Variants in KMT5B observed in about 807,000 individuals in gnomAD.
KMT5B encodes the protein lysine methyltransferase 5B.
In KMT5B, 10 loss-of-function variants were observed where a neutral mutation model predicts 83.2. The observed-to-expected ratio is 0.12, with a 90% CI of 0.07 to 0.20. The LOEUF (loss-of-function observed/expected upper bound fraction) is 0.20. Among genes scored for constraint, KMT5B ranks in the 10% least tolerant of loss-of-function variants. KMT5B has a pLI of 1.00. For synonymous variants in KMT5B, 349 were observed against 388.8 expected, an observed-to-expected ratio of 0.90 and a Z score of 1.20; for missense variants, 753 against 1,067.2, an observed-to-expected ratio of 0.71 and a Z score of 4.10.
intron 1 of KMT5B, among the ~76,000 whole-genome samples, chr11:68,209,797 G>A (rs566025992): frequency 6.6e-6 from 1 of 152,118 alleles, no homozygotes; most frequent in South Asian, 2.1e-4. Flanking sequence ...CAGTGCTTGA[G>A]CCACGTGTAC....
chr11:68,160,660 G>C (rs943551222), intron 10 of KMT5B, among the ~76,000 whole-genome samples: 1 of 152,180 alleles, frequency 6.6e-6, no homozygotes, highest in Non-Finnish European at 1.5e-5. Flanking sequence ...AGTTTTTATT[G>C]AGAGAGGAGC....
chr11:68,169,418 G>C (rs76528645), intron 9 of KMT5B, among the ~76,000 whole-genome samples: 169 of 152,298 alleles, frequency 1.1e-3, no homozygotes, highest in African/African-American at 4.0e-3. Context: ...CCAGGGTACT[G>C]TTCTGTATTC....
In KMT5B at chr11:68,210,250, G is replaced by T. The variant is rs181508660; in HGVS notation, c.-77+2888C>A. ...TACAGGCCCCCAATCAAGCTTTGGG[G>T]GGGGGGACACTGATACCCTAGTCTC... On this transcript the variant is annotated intron_variant, in intron 1 of 10. Coordinates refer to ENST00000304363, the MANE Select transcript of KMT5B (RefSeq NM_017635.5). Among the ~76,000 whole-genome samples, 939 of 152,142 alleles carry T rather than the reference G, an allele frequency of 6.2e-3. 6 individuals carry two copies. Among genetic ancestry groups the T allele is most frequent in the African/African-American group, 0.022 (909 of 41,500 alleles).
chr11:68,183,547 C>CG (rs1212068665), intron 3 of KMT5B, among the ~76,000 whole-genome samples: 2 of 151,370 alleles, frequency 1.3e-5, no homozygotes, highest in African/African-American at 4.9e-5. Flanking sequence ...TTAGTAGAGA[C>CG]GGGGTTTCAG....
chr11:68,162,368 T>C (rs1201123660), intron 10 of KMT5B, among the ~76,000 whole-genome samples: 1 of 152,176 alleles, frequency 6.6e-6, no homozygotes, highest in Non-Finnish European at 1.5e-5. Context: ...AGAAAAGCTT[T>C]GACTCAAACT....
intron 1 of KMT5B, among the ~76,000 whole-genome samples, chr11:68,198,452 C>T (rs1436766731): frequency 8.5e-5 from 6 of 70,966 alleles, no homozygotes; most frequent in African/African-American, 7.9e-4. Context: ...CAAGACAAGA[C>T]AAGACAAGAC....
intron 1 of KMT5B, among the ~76,000 whole-genome samples, chr11:68,198,843 C>T (rs555609582): frequency 6.6e-6 from 1 of 152,274 alleles, no homozygotes; most frequent in South Asian, 2.1e-4. Flanking sequence ...CATTCTCCTG[C>T]CTCAACCTCC....
Position 68,171,804 on chromosome 11 carries a change from T to C in KMT5B, c.654-95A>G. On this transcript the variant is annotated intron_variant, in intron 6 of 10. Transcript: ENST00000304363. The surrounding 1 kb of genome is among the most constrained non-coding windows in gnomAD (Gnocchi z 5.1). Reference sequence around the variant, plus strand: ...AATCCTGACAATAAATATCAGAAACTGAAAAGGCCTAGCTGTCTATACTTT... The same window carrying C: ...AATCCTGACAATAAATATCAGAAACCGAAAAGGCCTAGCTGTCTATACTTT... 2 of 1,039,934 alleles carry C rather than the reference T, an allele frequency of 1.9e-6. No homozygotes were observed. Among genetic ancestry groups the C allele is most frequent in the Non-Finnish European group, 1.4e-6 (1 of 717,698 alleles). 64.4% of individuals were successfully genotyped at this position (1,039,934 alleles called of 1,614,324 possible). A position where few individuals can be genotyped will look rare whatever the true frequency, so the allele number is the denominator to read the frequency against.
At chr11:68,169,031 A>G (rs1164515516) in intron 9 of KMT5B, among the ~76,000 whole-genome samples, 2 of 152,274 alleles carry the variant, frequency 1.3e-5, no homozygotes, top group Non-Finnish European at 2.9e-5. Context: ...GAGAACTTCA[A>G]GAATATATGC....
At chr11:68,196,425 G>C (rs1221147968) in intron 1 of KMT5B, among the ~76,000 whole-genome samples, 2 of 148,660 alleles carry the variant, frequency 1.3e-5, no homozygotes, top group African/African-American at 2.5e-5. Flanking sequence ...AGTTCCTAAG[G>C]TTGAGAATCT....
At chr11:68,174,211 C>A in intron 5 of KMT5B, 2 of 463,800 alleles carry the variant, frequency 4.3e-6, no homozygotes, top group Admixed American at 3.1e-5. Flanking sequence ...GATTCTGCCT[C>A]TAAAAAAACA....
intron 2 of KMT5B, 31 bp from the exon 3 acceptor site, chr11:68,185,959 C>G: frequency 7.1e-6 from 11 of 1,554,644 alleles, no homozygotes; most frequent in Non-Finnish European, 9.6e-6. Context: ...AAAAATTACT[C>G]AAATTGAAAA....
intron 3 of KMT5B, among the ~76,000 whole-genome samples, chr11:68,185,371 ATTTT>A (rs1857348334): frequency 6.6e-6 from 1 of 151,526 alleles, no homozygotes; most frequent in South Asian, 2.1e-4. Flanking sequence ...TGCCTGGCTA[ATTTT>A]TTTTGTACTT....
chr11:68,201,939 A>T (rs1165270026), intron 1 of KMT5B, among the ~76,000 whole-genome samples: 1 of 150,286 alleles, frequency 6.7e-6, no homozygotes, highest in African/African-American at 2.4e-5. Context: ...AAAAAAAAAA[A>T]TTAGTCGGGT....
In KMT5B at chr11:68,180,121, A is replaced by C. The variant is rs1346974170; in HGVS notation, c.377+11T>G. On this transcript the variant is annotated intron_variant, in intron 4 of 10. Coordinates refer to ENST00000304363, the MANE Select transcript of KMT5B (RefSeq NM_017635.5). The stretch of plus-strand genomic sequence containing the variant: ...GTCAGTATCTCATTGTTTTTAACAC[A>C]CACTACCTACCTCACAGGGTTGTTG... The C allele has an allele frequency of 1.3e-6, 2 of 1,578,206 alleles. No homozygotes were observed. The highest frequency in any genetic ancestry group is 1.7e-6 in the Non-Finnish European group (2 of 1,156,262).
intron 1 of KMT5B, among the ~76,000 whole-genome samples, chr11:68,211,480 A>G (rs1253988175): frequency 2.6e-5 from 4 of 152,214 alleles, no homozygotes; most frequent in Non-Finnish European, 5.9e-5. Flanking sequence ...ATGTTTGTAA[A>G]CAACATTAAA....
At chr11:68,204,624 T>G (rs940933544) in intron 1 of KMT5B, among the ~76,000 whole-genome samples, 10 of 129,418 alleles carry the variant, frequency 7.7e-5, no homozygotes, top group Non-Finnish European at 1.7e-4. Context: ...TTTTTTTTTT[T>G]TTTTTTTTTT....
intron 4 of KMT5B, among the ~76,000 whole-genome samples, chr11:68,179,035 G>A (rs994025379): frequency 6.6e-6 from 1 of 152,140 alleles, no homozygotes; most frequent in African/African-American, 2.4e-5. Context: ...GATTTACCCT[G>A]GCCTTTCTGG....
At chr11:68,181,073 T>TTCTC (rs373708203) in intron 3 of KMT5B, among the ~76,000 whole-genome samples, 1 of 114,966 alleles carries the variant, frequency 8.7e-6, no homozygotes. Flanking sequence ...TCTTTCTTTT[T>TTCTC]TCTTTTTTTT....
Sources: gnomAD v4.1 joint callset for allele counts (sites outside exome capture counted in the v4.1 genomes callset) on GRCh38, gnomAD v4.1.1 for gene constraint, Gnocchi (gnomAD v3.1) non-coding constraint, MANE v1.5 for transcripts, NCBI Gene and HGNC (gene_info 2026-07-23, HGNC 2026-07-21) for gene names.